Variants in RASAL2 observed in about 807,000 individuals in gnomAD.
RASAL2 encodes the protein ras GTPase-activating protein nGAP.
Under a neutral mutation model 128.9 loss-of-function variants are expected in RASAL2, and 58 were observed. That is an observed-to-expected ratio of 0.45 (90% CI 0.36 to 0.56). The LOEUF (loss-of-function observed/expected upper bound fraction) is 0.56, where lower values mean the gene tolerates loss of function less well. Ranked by LOEUF, RASAL2 falls within the 20% of genes least tolerant of loss-of-function variation. The pLI is 0.00. For synonymous variants in RASAL2, 561 were observed against 580.8 expected (o/e 0.97, Z 0.49); for missense variants, 1,360 against 1,601.6 (o/e 0.85, Z 2.57).
chr1:178,141,437 G>T lies in RASAL2; in HGVS notation c.202+46743G>T, dbSNP rs1660529636. ...CTCTTTACTACCTGATTGGCCAGAT[G>T]TGAGCTGAGTTACAAAAGTCCTGTG... On this transcript the variant is annotated intron_variant, in intron 1 of 17. Transcript: ENST00000367649. 2.0e-5 allele frequency among the ~76,000 whole-genome samples: 3 copies of T among 151,964 alleles called. 1 individual carries two copies. The South Asian group carries it at 6.2e-4, about 32-fold the overall frequency.
chr1:178,398,835 T>G (rs1437544038), intron 4 of RASAL2, among the ~76,000 whole-genome samples: 1 of 152,160 alleles, frequency 6.6e-6, no homozygotes, highest in African/African-American at 2.4e-5. Context: ...CTCTTCAAAT[T>G]CATTCATCCC....
intron 1 of RASAL2, among the ~76,000 whole-genome samples, chr1:178,213,526 T>C (rs1179836385): frequency 6.6e-6 from 1 of 152,152 alleles, no homozygotes; most frequent in Admixed American, 6.5e-5. Context: ...AGTTAAATTA[T>C]GATACGATGA....
intron 1 of RASAL2, among the ~76,000 whole-genome samples, chr1:178,177,581 C>T (rs1661937608): frequency 6.6e-6 from 1 of 152,132 alleles, no homozygotes; most frequent in African/African-American, 2.4e-5. Context: ...TACAGGAAGA[C>T]TTCTCTGAGG....
At chr1:178,329,941 C>T (rs77136360) in intron 3 of RASAL2, among the ~76,000 whole-genome samples, 6,814 of 152,186 alleles carry the variant, frequency 0.045, 519 homozygotes, top group African/African-American at 0.15. Context: ...ACTGAGTGAG[C>T]ATCCAGTCCA....
chr1:178,144,001 T>G (rs1660632171), intron 1 of RASAL2, among the ~76,000 whole-genome samples: 1 of 152,164 alleles, frequency 6.6e-6, no homozygotes, highest in Admixed American at 6.5e-5. Context: ...GAATAATTTC[T>G]TTTCACTCTC....
At chr1:178,315,683 G>T (rs1381763218) in intron 3 of RASAL2, among the ~76,000 whole-genome samples, 1 of 145,960 alleles carries the variant, frequency 6.9e-6, no homozygotes, top group Non-Finnish European at 1.5e-5. Context: ...GTAGATTCTG[G>T]ATATTAGCCC....
intron 4 of RASAL2, among the ~76,000 whole-genome samples, chr1:178,412,870 A>C (rs149801783): frequency 5.2e-4 from 79 of 151,062 alleles, no homozygotes; most frequent in African/African-American, 1.9e-3. Flanking sequence ...AGGTTCTCAC[A>C]GTGAATATCT....
chr1:178,183,603 A>G (rs555176428), intron 1 of RASAL2, among the ~76,000 whole-genome samples: 1 of 152,190 alleles, frequency 6.6e-6, no homozygotes, highest in Non-Finnish European at 1.5e-5. Flanking sequence ...AGACTTCTCA[A>G]ACTGACTCCT....
Position 178,324,419 on chromosome 1 carries a change from A to G in RASAL2, c.457+24301A>G, listed in dbSNP as rs756716814. ...GAGCAAGACTCGATCTCTAGGAAAA[A>G]AAAAAAAAGAAAAGAAATTTGAGGT... On this transcript the variant is annotated intron_variant, in intron 3 of 17. Coordinates refer to ENST00000367649, the MANE Select transcript of RASAL2 (RefSeq NM_170692.4). Among the ~76,000 whole-genome samples the G allele has an allele frequency of 3.3e-5, 5 of 152,152 alleles. No individual in the cohort carries two copies. In the South Asian group the frequency reaches 1.0e-3, roughly 32 times the overall value.
intron 3 of RASAL2, among the ~76,000 whole-genome samples, chr1:178,382,840 A>G (rs943383345): frequency 1.3e-5 from 2 of 152,126 alleles, no homozygotes; most frequent in Non-Finnish European, 2.9e-5. Context: ...TAAGATACCC[A>G]CTTGTCATCA....
At chr1:178,107,421 A>T (rs1659132244) in intron 1 of RASAL2, among the ~76,000 whole-genome samples, 2 of 152,190 alleles carry the variant, frequency 1.3e-5, no homozygotes, top group Admixed American at 1.3e-4. Flanking sequence ...AAAAGTGAGG[A>T]TGCTAGATAG....
intron 1 of RASAL2, among the ~76,000 whole-genome samples, chr1:178,122,756 AG>A (rs1358467877): frequency 1.3e-5 from 2 of 152,160 alleles, no homozygotes; most frequent in Non-Finnish European, 2.9e-5. Context: ...TTTTTTCACA[AG>A]GGAAAGATTA....
intron 4 of RASAL2, among the ~76,000 whole-genome samples, chr1:178,396,583 T>C (rs1336301241): frequency 6.6e-6 from 1 of 152,144 alleles, no homozygotes; most frequent in Non-Finnish European, 1.5e-5. Context: ...TCTTCTCAGC[T>C]GTACTTATAC....
At chr1:178,328,524 C>T (rs1216723770) in intron 3 of RASAL2, among the ~76,000 whole-genome samples, 3 of 152,018 alleles carry the variant, frequency 2.0e-5, no homozygotes, top group African/African-American at 7.2e-5. Flanking sequence ...CTTAGTATCA[C>T]CAATTGCCAT....
intron 3 of RASAL2, among the ~76,000 whole-genome samples, chr1:178,368,563 G>A (rs572640900): frequency 2.6e-5 from 4 of 151,774 alleles, no homozygotes; most frequent in Non-Finnish European, 5.9e-5. Flanking sequence ...CACATAAGAC[G>A]ACATGGTAAA....
At chr1:178,370,534 C>A (rs1384287054) in intron 3 of RASAL2, among the ~76,000 whole-genome samples, 1 of 152,086 alleles carries the variant, frequency 6.6e-6, no homozygotes, top group Non-Finnish European at 1.5e-5. Flanking sequence ...TTCATAATAC[C>A]TTTTTCGACA....
chr1:178,319,800 A>G (rs1231986096), intron 3 of RASAL2, among the ~76,000 whole-genome samples: 2 of 152,200 alleles, frequency 1.3e-5, no homozygotes, highest in East Asian at 3.8e-4. Context: ...AGCTCGTCAA[A>G]GTCATTCTCC....
At chr1:178,319,646 A>G (rs1028416760) in intron 3 of RASAL2, among the ~76,000 whole-genome samples, 2 of 148,906 alleles carry the variant, frequency 1.3e-5, no homozygotes, top group African/African-American at 5.2e-5. Flanking sequence ...CAGCTCCATC[A>G]GCTCCTTTAA....
chr1:178,393,874 C>T (rs978410819), intron 4 of RASAL2, among the ~76,000 whole-genome samples: 3 of 152,100 alleles, frequency 2.0e-5, no homozygotes, highest in Non-Finnish European at 4.4e-5. Context: ...CAGAATCGAA[C>T]GAGTTTATCT....
Sources: allele counts gnomAD v4.1 joint callset (sites outside exome capture counted in the v4.1 genomes callset), GRCh38; gene constraint gnomAD v4.1.1; transcripts MANE v1.5; gene names NCBI Gene and HGNC (gene_info 2026-07-23, HGNC 2026-07-21).